ALK: variants seen among roughly 807,000 people sequenced by gnomAD.
ALK encodes the protein ALK tyrosine kinase receptor.
In ALK, 74 loss-of-function variants were observed where a neutral mutation model predicts 163.1. The ratio of observed to expected loss-of-function variants is 0.45; its 90% CI spans 0.38 to 0.55. The LOEUF (loss-of-function observed/expected upper bound fraction) is 0.55, where lower values mean the gene tolerates loss of function less well. Ranked by LOEUF, ALK falls within the 20% of genes least tolerant of loss-of-function variation. ALK has a pLI of 0.00. For synonymous variants in ALK, 960 were observed against 843.2 expected (o/e 1.14, Z -2.40); for missense variants, 2,063 against 2,105.3 (o/e 0.98, Z 0.39).
chr2:29,819,379 A>G (rs986060578), intron 1 of ALK, among the ~76,000 whole-genome samples: 1 of 152,212 alleles, frequency 6.6e-6, no homozygotes, highest in Non-Finnish European at 1.5e-5. Flanking sequence ...TTCATATCTC[A>G]GTCTCCTCAT....
At chr2:29,226,543 G>GC (rs1168534237) in intron 18 of ALK, among the ~76,000 whole-genome samples, 6 of 150,510 alleles carry the variant, frequency 4.0e-5, no homozygotes, top group African/African-American at 1.5e-4. Flanking sequence ...CACTGCACAT[G>GC]CACAGCTGCT....
intron 9 of ALK, among the ~76,000 whole-genome samples, chr2:29,279,862 C>G (rs955179501): frequency 1.3e-5 from 2 of 152,190 alleles, no homozygotes; most frequent in African/African-American, 4.8e-5. Context: ...ACTAGCTGGG[C>G]CACTTTGGGA....
At chr2:29,846,417 T>C (rs1665844729) in intron 1 of ALK, among the ~76,000 whole-genome samples, 1 of 152,230 alleles carries the variant, frequency 6.6e-6, no homozygotes, top group Non-Finnish European at 1.5e-5. Context: ...TTTACACACT[T>C]ATTGTCTGTC....
intron 5 of ALK, among the ~76,000 whole-genome samples, chr2:29,339,330 G>A (rs1316975419): frequency 6.6e-6 from 1 of 152,088 alleles, no homozygotes; most frequent in Non-Finnish European, 1.5e-5. Flanking sequence ...CATGAAAAAG[G>A]CTGTGGAGGA....
At chr2:29,804,204 G>A (rs1326707586) in intron 1 of ALK, among the ~76,000 whole-genome samples, 1 of 152,240 alleles carries the variant, frequency 6.6e-6, no homozygotes, top group African/African-American at 2.4e-5. Context: ...GCTACTGAAT[G>A]TAAAGATATG....
chr2:29,620,075 C>T (rs1453233160), intron 3 of ALK, among the ~76,000 whole-genome samples: 1 of 152,218 alleles, frequency 6.6e-6, no homozygotes, highest in Non-Finnish European at 1.5e-5. Context: ...ATGCCTCAAT[C>T]TCTTAATCTG....
At chr2:29,261,189 C>A (rs534405289) in intron 11 of ALK, among the ~76,000 whole-genome samples, 5 of 152,300 alleles carry the variant, frequency 3.3e-5, no homozygotes, top group African/African-American at 1.2e-4. Flanking sequence ...GTTCTCAGGC[C>A]TGTTTCTTTC....
chr2:29,918,568 G>A (rs990773809), intron 1 of ALK, among the ~76,000 whole-genome samples: 1 of 152,176 alleles, frequency 6.6e-6, no homozygotes, highest in Admixed American at 6.5e-5. Context: ...CACTTTAGGT[G>A]CCAGTGTCAC....
chr2:29,859,714 G>C (rs1175581985), intron 1 of ALK, among the ~76,000 whole-genome samples: 1 of 152,186 alleles, frequency 6.6e-6, no homozygotes, highest in East Asian at 1.9e-4. Flanking sequence ...CAGCCTGCGT[G>C]AACAGGAAAC....
intron 1 of ALK, among the ~76,000 whole-genome samples, chr2:29,776,860 C>T (rs570172397): frequency 1.5e-4 from 23 of 152,262 alleles, no homozygotes; most frequent in Admixed American, 5.2e-4. Flanking sequence ...TCTTAGTTCA[C>T]GTCAAGTCCT....
intron 3 of ALK, among the ~76,000 whole-genome samples, chr2:29,619,058 GA>G (rs1383629428): frequency 9.9e-5 from 15 of 151,840 alleles, no homozygotes; most frequent in South Asian, 2.1e-4. Flanking sequence ...TAAGTATTAA[GA>G]AAATGATTAT....
chr2:29,349,460 A>G (rs1573266293), intron 5 of ALK, among the ~76,000 whole-genome samples: 1 of 152,164 alleles, frequency 6.6e-6, no homozygotes, highest in Non-Finnish European at 1.5e-5. Context: ...CACAGTGGGG[A>G]AATCAGAGTG....
intron 1 of ALK, among the ~76,000 whole-genome samples, chr2:29,776,180 A>G (rs1681170098): frequency 6.6e-6 from 1 of 150,838 alleles, no homozygotes; most frequent in African/African-American, 2.4e-5. Flanking sequence ...ATGTAACCCT[A>G]ATATGGAACT....
At chr2:29,515,864 A>C (rs1367859608) in intron 4 of ALK, among the ~76,000 whole-genome samples, 1 of 152,218 alleles carries the variant, frequency 6.6e-6, no homozygotes, top group Non-Finnish European at 1.5e-5. Flanking sequence ...CACAGGCAAG[A>C]GGGGAAAGTT....
chr2:29,210,027 A>C lies in ALK; in HGVS notation c.3744-149T>G, dbSNP rs1027295745. 4 of 687,904 alleles carry C rather than the reference A, an allele frequency of 5.8e-6. No individual in the cohort carries two copies. The African/African-American group carries it at 7.0e-5, about 12-fold the overall frequency. 42.6% of individuals were successfully genotyped at this position (687,904 alleles called of 1,614,324 possible). On this transcript the variant is annotated intron_variant, in intron 24 of 28. Coordinates refer to ENST00000389048, the MANE Select transcript of ALK (RefSeq NM_004304.5). ...TTAGTATAGTATACTTCAGTGTGAG[A>C]GAAACAGCCTTAACAATTCTAGGCC...
intron 5 of ALK, among the ~76,000 whole-genome samples, chr2:29,344,058 C>T (rs904431136): frequency 2.2e-4 from 34 of 152,124 alleles, no homozygotes; most frequent in Admixed American, 1.3e-3. Flanking sequence ...ACTGACTGGC[C>T]AAGTGACAGG....
intron 4 of ALK, among the ~76,000 whole-genome samples, chr2:29,397,322 A>G (rs1669335140): frequency 1.3e-5 from 2 of 152,152 alleles, no homozygotes; most frequent in Admixed American, 1.3e-4. Context: ...GGTGATGTAT[A>G]CCAAGGAATG....
At chr2:29,553,578 C>T (rs990247561) in intron 3 of ALK, among the ~76,000 whole-genome samples, 7 of 152,168 alleles carry the variant, frequency 4.6e-5, no homozygotes, top group Non-Finnish European at 7.4e-5. Context: ...CACTCCTTGA[C>T]AGCAGGGGTG....
At chr2:29,704,408 G>C (rs367576971) in intron 2 of ALK, among the ~76,000 whole-genome samples, 1 of 152,102 alleles carries the variant, frequency 6.6e-6, no homozygotes, top group Non-Finnish European at 1.5e-5. Context: ...AGAATGATGG[G>C]GATCATCAAA....
Sources: gnomAD v4.1 joint callset for allele counts (sites outside exome capture counted in the v4.1 genomes callset) on GRCh38, gnomAD v4.1.1 for gene constraint, MANE v1.5 for transcripts, NCBI Gene and HGNC (gene_info 2026-07-23, HGNC 2026-07-21) for gene names.